Variants in ADGRL2 observed in about 807,000 individuals in gnomAD.
ADGRL2 encodes adhesion G protein-coupled receptor L2.
A neutral mutation model predicts 157.4 loss-of-function variants in ADGRL2; 44 were observed. The observed-to-expected ratio is 0.28, with a 90% CI of 0.22 to 0.36. ADGRL2 has a LOEUF of 0.36. Among genes scored for constraint, ADGRL2 ranks in the 10% least tolerant of loss-of-function variants. The probability of loss-of-function intolerance (pLI) is 1.00; values close to 1 mark genes in which losing one functional copy is unlikely to be tolerated. For synonymous variants in ADGRL2, 585 were observed against 624.7 expected, an observed-to-expected ratio of 0.94 and a Z score of 0.95; for missense variants, 1,510 against 1,768.9, an observed-to-expected ratio of 0.85 and a Z score of 2.63.
At chr1:81,435,459 T>G (rs1174722373) in intron 1 of ADGRL2, among the ~76,000 whole-genome samples, 1 of 152,212 alleles carries the variant, frequency 6.6e-6, no homozygotes, top group Non-Finnish European at 1.5e-5. Flanking sequence ...TGTCGAGAGT[T>G]CAATGAATTC....
chr1:81,684,540 G>T (rs1164728928), intron 3 of ADGRL2, among the ~76,000 whole-genome samples: 2 of 152,112 alleles, frequency 1.3e-5, no homozygotes, highest in Non-Finnish European at 2.9e-5. Context: ...TTAGTCATTT[G>T]TCAGACATAT....
Position 81,317,670 on chromosome 1 carries a change from C to A in ADGRL2, c.-302+11161C>A, listed in dbSNP as rs574500985. Reference sequence around the variant, plus strand: ...TTAAATTATACTTAAAATACTATCTCAGGAATTGAGGGATAAATAAGTAAA... The same window carrying A: ...TTAAATTATACTTAAAATACTATCTAAGGAATTGAGGGATAAATAAGTAAA... On this transcript the variant is annotated intron_variant, in intron 1 of 24. Coordinates refer to the ADGRL2 transcript ENST00000370721. 6.4e-4 allele frequency among the ~76,000 whole-genome samples: 98 copies of A among 152,208 alleles called. 2 individuals carry two copies. The South Asian group carries it at 0.018, about 28-fold the overall frequency.
rs1338684863 is a variant in ADGRL2, at chr1:81,716,483, GA to G, written c.-143+16678del. On this transcript the variant is annotated intron_variant, in intron 1 of 20. Transcript: ENST00000359929. Reference sequence around the variant, plus strand: ...CATTAAAAATATAATTTTATTCTCAGAAATTACATTTTATTACTGCCATAAC... The same window carrying G: ...CATTAAAAATATAATTTTATTCTCAGAATTACATTTTATTACTGCCATAAC... Among the ~76,000 whole-genome samples the G allele has an allele frequency of 9.2e-5, 14 of 152,040 alleles. 1 individual carries two copies. The highest frequency in any genetic ancestry group is 9.2e-4 in the Admixed American group (14 of 15,260).
At chr1:81,625,493 T>C (rs1226527970) in intron 3 of ADGRL2, among the ~76,000 whole-genome samples, 2 of 152,184 alleles carry the variant, frequency 1.3e-5, no homozygotes, top group Admixed American at 1.3e-4. Context: ...AGATACTCTA[T>C]CATTTCTGTA....
chr1:81,863,477 G>A (rs1054574311), intron 2 of ADGRL2, among the ~76,000 whole-genome samples: 1 of 152,092 alleles, frequency 6.6e-6, no homozygotes, highest in Admixed American at 6.6e-5. Context: ...CAATCTCTTT[G>A]CTCCATTATC....
At chr1:81,950,920 C>A (rs1651572601) in intron 7 of ADGRL2, 98 bp from the exon 8 acceptor site, 1 of 762,156 alleles carries the variant, frequency 1.3e-6, no homozygotes, top group Admixed American at 2.0e-5. Flanking sequence ...AGAGTTTATT[C>A]AAAATTTAAC....
chr1:81,396,651 G>A (rs2076660572), intron 1 of ADGRL2, among the ~76,000 whole-genome samples: 1 of 152,120 alleles, frequency 6.6e-6, no homozygotes, highest in Admixed American at 6.5e-5. Flanking sequence ...GGTCTTTATC[G>A]TGTTGAGGTA....
intron 1 of ADGRL2, among the ~76,000 whole-genome samples, chr1:81,354,262 G>A (rs1226666612): frequency 6.6e-6 from 1 of 152,166 alleles, no homozygotes; most frequent in Non-Finnish European, 1.5e-5. Context: ...AAATCTTAGA[G>A]AAGTTTAGGA....
chr1:81,431,069 G>A (rs1366707941), intron 1 of ADGRL2, among the ~76,000 whole-genome samples: 10 of 152,038 alleles, frequency 6.6e-5, no homozygotes, highest in Admixed American at 4.6e-4. Context: ...ACAGGAAATG[G>A]GGCCCTCCAA....
chr1:81,988,859 C>A (rs1366674025), intron 23 of ADGRL2, among the ~76,000 whole-genome samples: 7 of 151,782 alleles, frequency 4.6e-5, no homozygotes, highest in Admixed American at 4.6e-4. Context: ...TATTTTTTTC[C>A]AAGAATTAAA....
chr1:81,390,279 T>C (rs1301514766), intron 1 of ADGRL2, among the ~76,000 whole-genome samples: 3 of 152,298 alleles, frequency 2.0e-5, no homozygotes, highest in Non-Finnish European at 4.4e-5. Context: ...TAGTTGGTTT[T>C]GTTGAAAAAC....
At chr1:81,420,768 C>T (rs1288141760) in intron 1 of ADGRL2, among the ~76,000 whole-genome samples, 3 of 152,160 alleles carry the variant, frequency 2.0e-5, no homozygotes, top group African/African-American at 7.2e-5. Context: ...ACAAAAGAAG[C>T]TCTCCTAGGT....
rs1018201234 is a variant in ADGRL2 at position 81,968,344 on chromosome 1, A to G, written c.2523+145A>G. 7.3e-6 allele frequency: 5 copies of G among 689,650 alleles called. No individual in the cohort carries two copies. The African/African-American group carries it at 9.2e-5, about 13-fold the overall frequency. 42.7% of individuals were successfully genotyped at this position (689,650 alleles called of 1,614,324 possible). ...ATTTCTAATTGTTTCTACACTGTCCATAAATTTTAAGAAGTCTTGGCACTG... is the reference window on the plus strand; with the variant it reads ...ATTTCTAATTGTTTCTACACTGTCCGTAAATTTTAAGAAGTCTTGGCACTG... On this transcript the variant is annotated intron_variant, in intron 14 of 23. Transcript: ENST00000686636.
intron 1 of ADGRL2, among the ~76,000 whole-genome samples, chr1:81,416,259 A>G (rs144847084): frequency 0.015 from 2,283 of 151,488 alleles, 18 homozygotes; most frequent in Non-Finnish European, 0.025. Flanking sequence ...TTTATCCCCC[A>G]TATTTCTTTT....
intron 2 of ADGRL2, among the ~76,000 whole-genome samples, chr1:81,885,537 C>G (rs537000945): frequency 1.2e-4 from 18 of 152,124 alleles, no homozygotes; most frequent in Non-Finnish European, 2.2e-4. Context: ...AAAGGAAAGG[C>G]CTTTAATTCA....
intron 3 of ADGRL2, among the ~76,000 whole-genome samples, chr1:81,933,270 C>G (rs780198247): frequency 2.0e-5 from 3 of 152,162 alleles, no homozygotes; most frequent in Non-Finnish European, 4.4e-5. Context: ...GCCTTGTTCT[C>G]ATTCATACCG....
chr1:81,874,609 TTTGTCTTGTCTTGTCTTGTC>T (rs762434531), intron 2 of ADGRL2, among the ~76,000 whole-genome samples: 1 of 147,452 alleles, frequency 6.8e-6, no homozygotes, highest in African/African-American at 2.5e-5. Context: ...TCTTGTCTTG[TTTGTCTTGTCTTGTCTTGTC>T]TTGTCTTGTC....
chr1:81,516,178 C>T (rs576882082), intron 2 of ADGRL2, among the ~76,000 whole-genome samples: 13 of 152,036 alleles, frequency 8.6e-5, no homozygotes, highest in Non-Finnish European at 1.6e-4. Flanking sequence ...AATAGCTAGT[C>T]GATGTTTTAA....
intron 3 of ADGRL2, among the ~76,000 whole-genome samples, chr1:81,668,653 T>C (rs945020352): frequency 6.6e-6 from 1 of 151,918 alleles, no homozygotes; most frequent in African/African-American, 2.4e-5. Flanking sequence ...AACCTCTGCC[T>C]CTGAGTTCAA....
Sources: gnomAD v4.1 joint callset for allele counts (sites outside exome capture counted in the v4.1 genomes callset) on GRCh38, gnomAD v4.1.1 for gene constraint, MANE v1.5 for transcripts, NCBI Gene and HGNC (gene_info 2026-07-23, HGNC 2026-07-21) for gene names.